The following RABGAP1L variants were observed in gnomAD, a reference collection of about 807,000 sequenced individuals.
RABGAP1L encodes rab GTPase-activating protein 1-like.
In RABGAP1L, 63 loss-of-function variants were observed where a neutral mutation model predicts 137.7. The ratio of observed to expected loss-of-function variants is 0.46; its 90% confidence interval spans 0.37 to 0.56. The LOEUF is 0.56. Ranked by LOEUF, RABGAP1L falls within the 20% of genes least tolerant of loss-of-function variation. The probability of loss-of-function intolerance (pLI) is 0.00; values close to 1 mark genes in which losing one functional copy is unlikely to be tolerated. For synonymous variants in RABGAP1L, 431 were observed against 433.7 expected (o/e 0.99, Z 0.08); for missense variants, 1,095 against 1,244.0 (o/e 0.88, Z 1.80).
intron 21 of RABGAP1L, among the ~76,000 whole-genome samples, chr1:174,969,840 A>G (rs548639556): frequency 1.3e-5 from 2 of 152,378 alleles, no homozygotes; most frequent in South Asian, 4.1e-4. Context: ...GCTGAGAGCC[A>G]GACTGCCTGA....
At chr1:174,392,928 A>G (rs1227965794) in intron 12 of RABGAP1L, among the ~76,000 whole-genome samples, 1 of 152,232 alleles carries the variant, frequency 6.6e-6, no homozygotes, top group Non-Finnish European at 1.5e-5. Flanking sequence ...TGAGCAACAA[A>G]TACAAGTAAA....
intron 13 of RABGAP1L, among the ~76,000 whole-genome samples, chr1:174,477,423 A>C (rs925493788): frequency 2.0e-5 from 3 of 152,232 alleles, no homozygotes; most frequent in Non-Finnish European, 4.4e-5. Context: ...CAATCAAGTA[A>C]GCATTGAATT....
intron 12 of RABGAP1L, among the ~76,000 whole-genome samples, chr1:174,382,963 T>A (rs1240268526): frequency 6.7e-6 from 1 of 150,374 alleles, no homozygotes; most frequent in African/African-American, 2.4e-5. Flanking sequence ...TACAGATGGG[T>A]TTTCGGTGTG....
At chr1:174,897,750 G>A (rs1657449462) in intron 19 of RABGAP1L, 1 of 152,390 alleles carries the variant, frequency 6.6e-6, no homozygotes, top group African/African-American at 2.4e-5. Context: ...AGCACTTTGG[G>A]AGGCCGAGGC....
chr1:174,536,449 C>T (rs1490909875), intron 13 of RABGAP1L, among the ~76,000 whole-genome samples: 2 of 151,956 alleles, frequency 1.3e-5, no homozygotes, highest in Non-Finnish European at 2.9e-5. Context: ...AATTTTGACA[C>T]ATTTCCAGGA....
At chr1:174,302,826 T>C (rs1467724887) in intron 10 of RABGAP1L, among the ~76,000 whole-genome samples, 2 of 152,220 alleles carry the variant, frequency 1.3e-5, no homozygotes. Context: ...ACAAAACTTT[T>C]AATCAACTAT....
intron 13 of RABGAP1L, among the ~76,000 whole-genome samples, chr1:174,472,196 T>A (rs923732254): frequency 6.6e-6 from 1 of 152,190 alleles, no homozygotes; most frequent in African/African-American, 2.4e-5. Flanking sequence ...AGACTGAGAC[T>A]GAGACAGAGA....
rs1288182136 is a variant in RABGAP1L at position 174,609,496 on chromosome 1, G to A, written c.1711-27879G>A. ...AAAGGGGTAGAAGGGAATTTCAAAC[G>A]AGAGGAGGACTGTAACCATAAACTG... On this transcript the variant is annotated intron_variant, in intron 13 of 25. Coordinates refer to ENST00000681986, the MANE Select transcript of RABGAP1L (RefSeq NM_001366446.1). Among the ~76,000 whole-genome samples the A allele has an allele frequency of 4.6e-5, 7 of 152,108 alleles. 1 individual carries two copies. Among genetic ancestry groups the A allele is most frequent in the Non-Finnish European group, 7.4e-5 (5 of 67,994 alleles).
At chr1:174,191,107 A>T (rs889885922) in intron 1 of RABGAP1L, among the ~76,000 whole-genome samples, 5 of 152,240 alleles carry the variant, frequency 3.3e-5, no homozygotes, top group Admixed American at 6.5e-5. Context: ...AACAGATAGA[A>T]TAATAATGAA....
intron 18 of RABGAP1L, among the ~76,000 whole-genome samples, chr1:174,757,343 C>T (rs1293534402): frequency 6.6e-6 from 1 of 152,070 alleles, no homozygotes; most frequent in Non-Finnish European, 1.5e-5. Flanking sequence ...TCTGATATCT[C>T]TGGGGTAAAT....
chr1:174,961,726 G>A (rs965741643), intron 20 of RABGAP1L, among the ~76,000 whole-genome samples: 5 of 151,436 alleles, frequency 3.3e-5, no homozygotes, highest in Admixed American at 6.6e-5. Context: ...AGCACCTGTA[G>A]TCCCAGCTAC....
intron 19 of RABGAP1L, among the ~76,000 whole-genome samples, chr1:174,913,046 G>C (rs1558225078): frequency 6.6e-6 from 1 of 151,540 alleles, no homozygotes; most frequent in Non-Finnish European, 1.5e-5. Context: ...CACAATCTCA[G>C]CTCACTGCAG....
chr1:174,729,654 G>C (rs1682295158), intron 17 of RABGAP1L, among the ~76,000 whole-genome samples: 1 of 152,046 alleles, frequency 6.6e-6, no homozygotes, highest in Non-Finnish European at 1.5e-5. Context: ...TTAAAAAATG[G>C]ACAAAGGACA....
At chr1:174,452,269 T>TAG (rs1198669202) in intron 13 of RABGAP1L, among the ~76,000 whole-genome samples, 1 of 152,208 alleles carries the variant, frequency 6.6e-6, no homozygotes, top group Non-Finnish European at 1.5e-5. Context: ...ATTATTTGCA[T>TAG]AGTTGTTTCT....
chr1:174,478,587 A>G (rs1165091504), intron 13 of RABGAP1L, among the ~76,000 whole-genome samples: 2 of 152,130 alleles, frequency 1.3e-5, no homozygotes, highest in Non-Finnish European at 2.9e-5. Flanking sequence ...CTTGGTTTTC[A>G]AATTCTTTTC....
chr1:174,878,925 G>GTTTTTT (rs869251284), intron 19 of RABGAP1L, among the ~76,000 whole-genome samples: 279 of 85,136 alleles, frequency 3.3e-3, no homozygotes, highest in African/African-American at 4.7e-3. Flanking sequence ...TTTGTGCATT[G>GTTTTTT]TTTTTTTTTT....
At chr1:174,220,780 A>G (rs1008259872) in intron 2 of RABGAP1L, 192 bp from the exon 3 acceptor site, 1 of 408,772 alleles carries the variant, frequency 2.4e-6, no homozygotes, top group Non-Finnish European at 4.2e-6. Context: ...TGAAACTAAT[A>G]ATCTTCCTCT....
chr1:174,574,850 A>G lies in RABGAP1L; in HGVS notation c.1711-62525A>G, dbSNP rs77304439. Among the ~76,000 whole-genome samples, 17 of 152,348 alleles carry G rather than the reference A, an allele frequency of 1.1e-4. No homozygotes were observed. In the East Asian group the frequency reaches 2.9e-3, roughly 26 times the overall value. On this transcript the variant is annotated intron_variant, in intron 13 of 25. Transcript: ENST00000681986. The stretch of plus-strand genomic sequence containing the variant: ...CAGACTTCATTGTACCTAAGAAATC[A>G]GTGAAGCTTTTCATCAGGTGGAAGG...
At chr1:174,940,014 A>G (rs917371308) in intron 19 of RABGAP1L, among the ~76,000 whole-genome samples, 1 of 152,242 alleles carries the variant, frequency 6.6e-6, no homozygotes, top group African/African-American at 2.4e-5. Context: ...ACCAACTGTA[A>G]GTAAGGCAGA....
Sources: allele counts gnomAD v4.1 joint callset (sites outside exome capture counted in the v4.1 genomes callset), GRCh38; gene constraint gnomAD v4.1.1; transcripts MANE v1.5; gene names NCBI Gene and HGNC (gene_info 2026-07-23, HGNC 2026-07-21).